BCAS3: variants seen among roughly 807,000 people sequenced by gnomAD.
The protein encoded by BCAS3 is BCAS4/BCAS3 fusion.
Under a neutral mutation model 116.1 loss-of-function variants are expected in BCAS3, and 53 were observed. That is an observed-to-expected ratio of 0.46 (90% CI 0.37 to 0.57). The LOEUF (loss-of-function observed/expected upper bound fraction) is 0.57. Among genes scored for constraint, BCAS3 ranks in the 20% least tolerant of loss-of-function variants. The pLI is 0.00. For missense variants in BCAS3, 917 were observed against 1,165.4 expected (o/e 0.79, Z 3.10); for synonymous variants, 391 against 408.2 (o/e 0.96, Z 0.51).
At chr17:60,743,471 G>T (rs1190586095) in intron 5 of BCAS3, among the ~76,000 whole-genome samples, 4 of 149,264 alleles carry the variant, frequency 2.7e-5, no homozygotes, top group Non-Finnish European at 5.9e-5. Flanking sequence ...TAGGATGTAT[G>T]TATTTTTTCT....
intron 22 of BCAS3, chr17:61,159,518 A>G (rs1294880749): frequency 6.6e-6 from 1 of 152,226 alleles, no homozygotes; most frequent in African/African-American, 2.4e-5. Flanking sequence ...ACAGGCAGCT[A>G]TCTTCACACA....
chr17:61,271,086 T>C (rs941936593), intron 22 of BCAS3, among the ~76,000 whole-genome samples: 5 of 151,424 alleles, frequency 3.3e-5, no homozygotes, highest in African/African-American at 1.2e-4. Flanking sequence ...ATTTTCAGTT[T>C]TTTGTACATG....
At position 61,105,190 on chromosome 17, in the gene BCAS3, A is replaced by G. The variant is rs553680850; in HGVS notation, c.2425+20626A>G. Among the ~76,000 whole-genome samples the G allele has an allele frequency of 1.6e-4, 24 of 152,336 alleles. No individual in the cohort carries two copies. Among genetic ancestry groups the G allele is most frequent in the African/African-American group, 5.3e-4 (22 of 41,570 alleles). ...ACTACCCTGCCGCAGGGCACAGCAC[A>G]TTGGAAAACTGCCTTGCACCAGCCC... On this transcript the variant is annotated intron_variant, in intron 22 of 23. Transcript: ENST00000407086. The surrounding 1 kb of genome is among the most constrained non-coding windows in gnomAD (Gnocchi z 4.3).
Position 61,209,522 on chromosome 17 carries a change from G to T in BCAS3, c.2425+124958G>T, listed in dbSNP as rs563760549. Among the ~76,000 whole-genome samples, 6 of 152,202 alleles carry T rather than the reference G, an allele frequency of 3.9e-5. No homozygotes were observed. In the South Asian group the frequency reaches 6.2e-4, roughly 16 times the overall value. ...ATGAAATATTTGGAATTTCAGTGCA[G>T]TGGTTTCTATTTATCCGAAATGTCA... On this transcript the variant is annotated intron_variant, in intron 22 of 23. Transcript: ENST00000407086.
At chr17:60,997,925 G>A (rs929877909) in intron 15 of BCAS3, among the ~76,000 whole-genome samples, 11 of 152,130 alleles carry the variant, frequency 7.2e-5, no homozygotes, top group African/African-American at 2.4e-4. Context: ...GCTGAGGTTG[G>A]ACTTCCATTG....
chr17:60,709,429 G>A (rs541793650), intron 5 of BCAS3, 104 bp downstream of exon 5: 4 of 687,666 alleles, frequency 5.8e-6, no homozygotes, highest in East Asian at 3.1e-5. Context: ...CTCACTCTTC[G>A]CCCAGGCTGG....
intron 19 of BCAS3, among the ~76,000 whole-genome samples, chr17:61,052,267 G>GT (rs1473837963): frequency 4.0e-5 from 6 of 151,632 alleles, no homozygotes; most frequent in African/African-American, 1.2e-4. Context: ...GTTTTATATA[G>GT]TTTTTAATTC....
chr17:61,331,451 G>C (rs909187844), intron 22 of BCAS3, among the ~76,000 whole-genome samples: 3 of 152,082 alleles, frequency 2.0e-5, no homozygotes, highest in African/African-American at 7.2e-5. Flanking sequence ...GGCACAGGAG[G>C]AGGTCACCAG....
intron 22 of BCAS3, among the ~76,000 whole-genome samples, chr17:61,163,431 A>AG (rs1491411233): frequency 6.0e-4 from 1 of 1,654 alleles, no homozygotes; most frequent in Non-Finnish European, 4.9e-3. Context: ...CTCAGAAAGG[A>AG]AAAAAAAAAA....
At chr17:60,806,676 C>T (rs1168855759) in intron 6 of BCAS3, among the ~76,000 whole-genome samples, 1 of 151,924 alleles carries the variant, frequency 6.6e-6, no homozygotes, top group African/African-American at 2.4e-5. Context: ...CTTCAGCCTC[C>T]TGAGTAGCTA....
intron 22 of BCAS3, among the ~76,000 whole-genome samples, chr17:61,146,381 T>C (rs947209779): frequency 1.3e-5 from 2 of 151,754 alleles, no homozygotes; most frequent in African/African-American, 4.8e-5. Flanking sequence ...CCTCCTAAAG[T>C]GCTCGGATTA....
chr17:60,865,847 G>A (rs1388719256), intron 7 of BCAS3, among the ~76,000 whole-genome samples: 1 of 152,092 alleles, frequency 6.6e-6, no homozygotes, highest in Non-Finnish European at 1.5e-5. Context: ...GACCTTATGG[G>A]GAAGGTGTTT....
intron 22 of BCAS3, among the ~76,000 whole-genome samples, chr17:61,209,845 A>G (rs2081351854): frequency 6.6e-6 from 1 of 152,200 alleles, no homozygotes; most frequent in Non-Finnish European, 1.5e-5. Context: ...TAATGGCCCT[A>G]TGTTTAATAG....
At chr17:61,115,688 C>T (rs1275621931) in intron 22 of BCAS3, among the ~76,000 whole-genome samples, 1 of 140,600 alleles carries the variant, frequency 7.1e-6, no homozygotes, top group African/African-American at 2.6e-5. Context: ...TGTGGCGATT[C>T]CTCAGGGATC....
intron 22 of BCAS3, among the ~76,000 whole-genome samples, chr17:61,271,728 A>T (rs1677972260): frequency 6.6e-6 from 1 of 151,632 alleles, no homozygotes; most frequent in Admixed American, 6.6e-5. Context: ...AAGTGCTAGG[A>T]TTACAGGTGT....
In BCAS3 at chr17:61,309,618, C is replaced by T. The variant is rs972506041; in HGVS notation, c.2426-58709C>T. Reference sequence around the variant, plus strand: ...GAACAGTTTCTATCTCGAGTATTGCCTCCTTTCCTGAAGCGTGTTCTCCGT... The same window carrying T: ...GAACAGTTTCTATCTCGAGTATTGCTTCCTTTCCTGAAGCGTGTTCTCCGT... On this transcript the variant is annotated intron_variant, in intron 22 of 23. Transcript: ENST00000407086. This position sits in a 1 kb window ranked among gnomAD's most constrained non-coding sequence, Gnocchi z 4.6. Among the ~76,000 whole-genome samples the T allele has an allele frequency of 2.6e-5, 4 of 152,190 alleles. No homozygotes were observed. Among genetic ancestry groups the T allele is most frequent in the Non-Finnish European group, 5.9e-5 (4 of 68,038 alleles).
At chr17:60,928,992 T>C (rs1205474987) in intron 13 of BCAS3, among the ~76,000 whole-genome samples, 1 of 152,236 alleles carries the variant, frequency 6.6e-6, no homozygotes, top group South Asian at 2.1e-4. Flanking sequence ...CTGGGTTTTT[T>C]CCCTTAAATT....
chr17:61,303,049 G>T (rs1168426489), intron 22 of BCAS3, among the ~76,000 whole-genome samples: 2 of 152,314 alleles, frequency 1.3e-5, no homozygotes, highest in East Asian at 3.9e-4. Context: ...GAAGGGAAAG[G>T]CCTGTCCGAC....
chr17:61,196,624 G>A lies in BCAS3; in HGVS notation c.2425+112060G>A, dbSNP rs1437441197. On this transcript the variant is annotated intron_variant, in intron 22 of 23. Transcript: ENST00000407086. The surrounding 1 kb of genome is among the most constrained non-coding windows in gnomAD (Gnocchi z 4.7). ...ACTGCTCCACATAGACTTCCGATTC[G>A]AATTAGAAATGAAAAGAGGAGAGGA... 1.3e-5 allele frequency among the ~76,000 whole-genome samples: 2 copies of A among 152,126 alleles called. No homozygotes were observed. The highest frequency in any genetic ancestry group is 2.9e-5 in the Non-Finnish European group (2 of 68,028).
Sources: gnomAD v4.1 joint callset for allele counts (sites outside exome capture counted in the v4.1 genomes callset) on GRCh38, gnomAD v4.1.1 for gene constraint, Gnocchi (gnomAD v3.1) non-coding constraint, MANE v1.5 for transcripts, NCBI Gene and HGNC (gene_info 2026-07-23, HGNC 2026-07-21) for gene names.